Variants in FYCO1 observed in about 807,000 individuals in gnomAD.
The protein encoded by FYCO1 is FYVE and coiled-coil domain autophagy adaptor 1.
FYCO1 carries 122 observed loss-of-function variants against 165.1 expected under a neutral mutation model. The observed-to-expected ratio is 0.74, with a 90% CI of 0.64 to 0.86. The LOEUF is 0.86. Ranked by LOEUF, FYCO1 falls within the 40% of genes least tolerant of loss-of-function variation. The pLI is 0.00. For missense variants in FYCO1, 1,702 were observed against 1,810.3 expected (o/e 0.94, Z 1.09); for synonymous variants, 648 against 742.5 (o/e 0.87, Z 2.07).
At chr3:45,931,378 G>A (rs570421380) in intron 15 of FYCO1, 97 bp from the exon 16 acceptor site, 11 of 1,153,254 alleles carry the variant, frequency 9.5e-6, no homozygotes, top group African/African-American at 7.6e-5. Context: ...TGGAGACTTC[G>A]GAGACTCTTG....
chr3:45,942,301 G>A (rs555464397), intron 14 of FYCO1, among the ~76,000 whole-genome samples: 25 of 152,306 alleles, frequency 1.6e-4, no homozygotes, highest in African/African-American at 5.8e-4. Context: ...CTATCTGTAC[G>A]TGACTAGGAT....
At position 45,968,687 on chromosome 3, in the gene FYCO1, G is replaced by A. The variant is rs140002692; in HGVS notation, c.647C>T (p.Ser216Phe). 6.0e-4 allele frequency: 976 copies of A among 1,614,152 alleles called. 8 individuals are homozygous for A. The African/African-American group carries it at 0.012, about 19-fold the overall frequency. Reference protein sequence around the residue: ...SSYLQTQEMVSNFDLNSPLNN... With the variant: ...SSYLQTQEMVFNFDLNSPLNN... ...TAGGGGGCTGTTCAGGTCAAAGTTG[G>A]ACACCATCTCTTGAGTCTGGGAGGG... The change falls in exon 8 of 18, where the codon TCC becomes TTC. Residue 216 changes from serine (S) to phenylalanine (F), a missense_variant. Transcript: ENST00000296137.
At chr3:45,937,185 C>T (rs1317949788) in intron 14 of FYCO1, among the ~76,000 whole-genome samples, 1 of 152,168 alleles carries the variant, frequency 6.6e-6, no homozygotes, top group Admixed American at 6.5e-5. Flanking sequence ...TCTCAGGTGC[C>T]TCAGAGCCCA....
At chr3:45,946,979 A>G (rs766808494) in intron 14 of FYCO1, 3 of 1,614,046 alleles carry the variant, frequency 1.9e-6, no homozygotes, top group Non-Finnish European at 2.5e-6. Flanking sequence ...CCTTGCCCCA[A>G]ATTATCTATG....
Position 45,967,506 on chromosome 3 carries a change from G to A in FYCO1, c.1828C>T (p.Gln610Ter), listed in dbSNP as rs1706134996. Residue 610 changes from glutamine to a stop codon, truncating the protein, a stop_gained, in exon 8 of 18, where the codon CAG becomes TAG. Transcript: ENST00000296137. LOFTEE classifies it high-confidence loss of function. ...LDDTKVQEGSQEEELRQANRE... is the reference protein window; with the variant it reads ...LDDTKVQEGS ...TTGGCCTGCCGGAGCTCTTCCTCCT[G>A]GCTGCCCTCTTGCACCTTGGTATCG... 1.9e-6 allele frequency: 3 copies of A among 1,613,696 alleles called. No homozygotes were observed. The highest frequency in any genetic ancestry group is 2.5e-6 in the Non-Finnish European group (3 of 1,179,976).
chr3:45,964,522 T>A lies in FYCO1; in HGVS notation c.3151-68A>T. Reference sequence around the variant, plus strand: ...GCCATGCAACGTACCATAAAGTGGCTGGTGTGCCATCCACCCCATCTGGCT... The same window carrying A: ...GCCATGCAACGTACCATAAAGTGGCAGGTGTGCCATCCACCCCATCTGGCT... On this transcript the variant is annotated intron_variant, in intron 9 of 17. Coordinates refer to ENST00000296137, the MANE Select transcript of FYCO1 (RefSeq NM_024513.4). This position sits in a 1 kb window ranked among gnomAD's most constrained non-coding sequence, Gnocchi z 4.1. The A allele has an allele frequency of 6.2e-7, 1 of 1,604,150 alleles. No homozygotes were observed. The highest frequency in any genetic ancestry group is 1.7e-5 in the Admixed American group (1 of 59,218).
chr3:45,946,922 G>C (rs535994857), intron 14 of FYCO1: 3 of 1,614,200 alleles, frequency 1.9e-6, no homozygotes, highest in African/African-American at 2.7e-5. Flanking sequence ...GGATGACCTG[G>C]GGCAAGGTCA....
chr3:45,964,238 TC>T lies in FYCO1; in HGVS notation c.3269+97del. 1.0e-6 allele frequency: 1 copy of T among 993,006 alleles called. No individual in the cohort carries two copies. Among genetic ancestry groups the T allele is most frequent in the Non-Finnish European group, 1.6e-6 (1 of 617,288 alleles). The allele number at this position is 993,006 out of a possible 1,614,324, so 61.5% of individuals were successfully genotyped here. ...TTGTGGCTTTTCTTGCAAAAGGACT[TC>T]CTAAACCTAATATGAGTGACTGACT... On this transcript the variant is annotated intron_variant, in intron 10 of 17. Coordinates refer to ENST00000296137, the MANE Select transcript of FYCO1 (RefSeq NM_024513.4). This position sits in a 1 kb window ranked among gnomAD's most constrained non-coding sequence, Gnocchi z 4.1.
Position 45,981,641 on chromosome 3 carries a change from C to T in FYCO1, c.91G>A (p.Ala31Thr). The T allele has an allele frequency of 1.2e-6, 2 of 1,614,020 alleles. No individual in the cohort carries two copies. Among genetic ancestry groups the T allele is most frequent in the Non-Finnish European group, 1.7e-6 (2 of 1,179,868 alleles). Residue 31 changes from alanine (A) to threonine (T), a missense_variant, in exon 3 of 18, where the codon GCA becomes ACA. Coordinates refer to ENST00000296137, the MANE Select transcript of FYCO1 (RefSeq NM_024513.4). ...VTELSKEFQE[A>T]GEPITDDSTS... is the part of the protein sequence containing the mutation. ...CTGTCATCCGTGATGGGTTCCCCTG[C>T]TTCCTGAAATTCTTTGCTTAGTTCT...
At chr3:45,957,201 AC>A (rs1328375834) in intron 13 of FYCO1, among the ~76,000 whole-genome samples, 1 of 152,250 alleles carries the variant, frequency 6.6e-6, no homozygotes, top group Admixed American at 6.5e-5. Context: ...GGACAGCCAT[AC>A]AAAAAGATGA....
chr3:45,921,391 T>A lies in FYCO1; in HGVS notation c.*374A>T. On this transcript the variant is annotated 3_prime_UTR_variant, in exon 18 of 18. Transcript: ENST00000296137. ...CTGGTGGGGCAGGGCAGAAAATCTCTCCACAGGCAGAAGTTGGAATCACCC... is the reference window on the plus strand; with the variant it reads ...CTGGTGGGGCAGGGCAGAAAATCTCACCACAGGCAGAAGTTGGAATCACCC... 1 of 337,980 alleles carries A rather than the reference T, an allele frequency of 3.0e-6. No individual in the cohort carries two copies. The highest frequency in any genetic ancestry group is 5.8e-6 in the Non-Finnish European group (1 of 173,472). 20.9% of individuals were successfully genotyped at this position (337,980 alleles called of 1,614,324 possible).
Position 45,964,569 on chromosome 3 carries a change from T to C in FYCO1, c.3151-115A>G, listed in dbSNP as rs1575366126. ...GGCTGGGTCACTTCTAAATGGAGGG[T>C]TGTTTCCTATTAAGTTCAAGAGGCC... is the stretch of plus-strand genomic sequence containing the variant. On this transcript the variant is annotated intron_variant, in intron 9 of 17. Coordinates refer to ENST00000296137, the MANE Select transcript of FYCO1 (RefSeq NM_024513.4). The surrounding 1 kb of genome is among the most constrained non-coding windows in gnomAD (Gnocchi z 4.1). The C allele has an allele frequency of 6.5e-7, 1 of 1,545,440 alleles. No homozygotes were observed. The highest frequency in any genetic ancestry group is 1.2e-5 in the South Asian group (1 of 84,602).
chr3:45,980,667 G>A (rs1463424420), intron 3 of FYCO1, among the ~76,000 whole-genome samples: 8 of 152,186 alleles, frequency 5.3e-5, no homozygotes, highest in Admixed American at 3.3e-4. Flanking sequence ...TAGTGGGCCC[G>A]CATACTACGT....
In FYCO1 at chr3:45,955,384, G is replaced by A. The variant is rs775300505; in HGVS notation, c.3809C>T (p.Thr1270Ile). The A allele has an allele frequency of 4.3e-6, 7 of 1,614,086 alleles. No individual in the cohort carries two copies. The highest frequency in any genetic ancestry group is 1.6e-4 in the Middle Eastern group (1 of 6,082). Residue 1270 changes from threonine (T) to isoleucine (I), a missense_variant, in exon 14 of 18, where the codon ACA (threonine) becomes ATA (isoleucine). Physicochemically the swap from Thr to Ile is moderately conservative, Grantham distance 89. Coordinates refer to ENST00000296137, the MANE Select transcript of FYCO1 (RefSeq NM_024513.4). ...AGCGTCGTCCGGTGGCCTGTAGTCT[G>A]TATTTGCTCCTGGGCAGCAGAGGCA... is the stretch of plus-strand genomic sequence containing the variant. ...PQATGGQGAN[T>I]DYRPPDDAVF...
In FYCO1 at chr3:45,964,358, C is replaced by G; in HGVS notation, c.3247G>C (p.Ala1083Pro). The G allele has an allele frequency of 6.2e-7, 1 of 1,614,020 alleles. No individual in the cohort carries two copies. The highest frequency in any genetic ancestry group is 8.5e-7 in the Non-Finnish European group (1 of 1,179,848). Residue 1083 changes from alanine (A) to proline (P), a missense_variant, in exon 10 of 18, where the codon GCC becomes CCC. By Grantham distance (27) the Ala-to-Pro change is conservative. Coordinates refer to ENST00000296137, the MANE Select transcript of FYCO1 (RefSeq NM_024513.4). This position sits in a 1 kb window ranked among gnomAD's most constrained non-coding sequence, Gnocchi z 4.1. ...AMLRKDKEGA[A>P]LREDLERTQK... ...AACCTTTCTAGGTCTTCACGCAGGG[C>G]AGCCCCCTCCTTGTCCTTCCTCAGC...
chr3:45,989,092 G>A (rs998386025), intron 1 of FYCO1, among the ~76,000 whole-genome samples: 2 of 152,152 alleles, frequency 1.3e-5, no homozygotes, highest in African/African-American at 4.8e-5. Context: ...GGAGGAGGAG[G>A]TTGGAGGCGT....
In FYCO1 at chr3:45,993,923, G is replaced by A. The variant is rs1021653922; in HGVS notation, c.-113+1799C>T. Among the ~76,000 whole-genome samples the A allele has an allele frequency of 6.6e-6, 1 of 152,172 alleles. No individual in the cohort carries two copies. Among genetic ancestry groups the A allele is most frequent in the African/African-American group, 2.4e-5 (1 of 41,430 alleles). The stretch of plus-strand genomic sequence containing the variant: ...CCCTAAAGGGAAGCAGGGTGGGTGG[G>A]GGTGAGGGGGCTGCCATTTCTTGCG... On this transcript the variant is annotated intron_variant, in intron 1 of 17. Transcript: ENST00000296137. The surrounding 1 kb of genome is among the most constrained non-coding windows in gnomAD (Gnocchi z 4.4).
chr3:45,958,694 G>T, intron 12 of FYCO1, 75 bp from the exon 13 acceptor site: 1 of 1,419,890 alleles, frequency 7.0e-7, no homozygotes, highest in South Asian at 1.2e-5. Flanking sequence ...ACCCAAACTG[G>T]GCTCTGGATG....
intron 17 of FYCO1, among the ~76,000 whole-genome samples, chr3:45,923,406 T>G (rs1703178256): frequency 6.6e-6 from 1 of 152,188 alleles, no homozygotes; most frequent in South Asian, 2.1e-4. Context: ...GCTCCACCAC[T>G]GGCTCTGTGA....
Sources: allele counts gnomAD v4.1 joint callset (sites outside exome capture counted in the v4.1 genomes callset), GRCh38; gene constraint gnomAD v4.1.1; non-coding constraint Gnocchi (gnomAD v3.1); transcripts MANE v1.5; gene names NCBI Gene and HGNC (gene_info 2026-07-23, HGNC 2026-07-21).